BCAS3: variants seen among roughly 807,000 people sequenced by gnomAD.
BCAS3 encodes BCAS4/BCAS3 fusion.
Under a neutral mutation model 116.1 loss-of-function variants are expected in BCAS3, and 53 were observed. That is an observed-to-expected ratio of 0.46 (90% CI 0.37 to 0.57). BCAS3 has a LOEUF of 0.57. Among genes scored for constraint, BCAS3 ranks in the 20% least tolerant of loss-of-function variants. The pLI, the probability that BCAS3 is intolerant of heterozygous loss-of-function variation, is 0.00. For missense variants in BCAS3, 917 were observed against 1,165.4 expected, an observed-to-expected ratio of 0.79 and a Z score of 3.10; for synonymous variants, 391 against 408.2, an observed-to-expected ratio of 0.96 and a Z score of 0.51.
chr17:60,918,640 A>C (rs932167704), intron 12 of BCAS3, among the ~76,000 whole-genome samples: 3 of 150,484 alleles, frequency 2.0e-5, no homozygotes, highest in African/African-American at 7.3e-5. Context: ...CTGTCTGTCA[A>C]ACTGAAATCT....
chr17:60,693,338 A>G (rs1854819957), intron 4 of BCAS3, among the ~76,000 whole-genome samples: 1 of 151,962 alleles, frequency 6.6e-6, no homozygotes, highest in African/African-American at 2.4e-5. Flanking sequence ...CTCTAGTATA[A>G]TGGGAATTGC....
At chr17:61,103,948 G>C (rs1239052705) in intron 22 of BCAS3, among the ~76,000 whole-genome samples, 1 of 152,096 alleles carries the variant, frequency 6.6e-6, no homozygotes, top group Non-Finnish European at 1.5e-5. Context: ...TGGAAGTGTT[G>C]GGATGTCACT....
At chr17:60,927,914 C>T (rs1246876046) in intron 13 of BCAS3, among the ~76,000 whole-genome samples, 1 of 151,816 alleles carries the variant, frequency 6.6e-6, no homozygotes, top group Non-Finnish European at 1.5e-5. Flanking sequence ...TTTTTAAAAT[C>T]TTAAGTATTA....
chr17:60,836,150 A>T (rs886707093), intron 7 of BCAS3, among the ~76,000 whole-genome samples: 1 of 152,104 alleles, frequency 6.6e-6, no homozygotes, highest in Admixed American at 6.6e-5. Context: ...AGAGTGGTAC[A>T]TTTGTTATAG....
chr17:60,808,686 C>G (rs2048506154), intron 7 of BCAS3, among the ~76,000 whole-genome samples: 1 of 152,128 alleles, frequency 6.6e-6, no homozygotes, highest in Admixed American at 6.5e-5. Context: ...CAGCACTTTG[C>G]CGGGTGTAGG....
At chr17:60,932,169 A>T (rs1337726683) in intron 13 of BCAS3, among the ~76,000 whole-genome samples, 2 of 152,202 alleles carry the variant, frequency 1.3e-5, no homozygotes, top group Non-Finnish European at 2.9e-5. Context: ...CCTTCATCCT[A>T]GTTTTTAAAT....
chr17:60,975,307 C>T (rs548224798), intron 14 of BCAS3, among the ~76,000 whole-genome samples: 2 of 152,310 alleles, frequency 1.3e-5, no homozygotes, highest in Admixed American at 1.3e-4. Flanking sequence ...GGCCTCAAGC[C>T]ATTTGTTTAA....
Position 61,354,101 on chromosome 17 carries a change from A to G in BCAS3, c.2426-14226A>G, listed in dbSNP as rs1215641147. Reference sequence around the variant, plus strand: ...CTGGCAGCCATGATGCTTCTGCAGCATGCCAGTTTGTTCACTGAGACCTTC... The same window carrying G: ...CTGGCAGCCATGATGCTTCTGCAGCGTGCCAGTTTGTTCACTGAGACCTTC... On this transcript the variant is annotated intron_variant, in intron 22 of 23. Coordinates refer to ENST00000407086, the MANE Select transcript of BCAS3 (RefSeq NM_017679.5). The surrounding 1 kb of genome is among the most constrained non-coding windows in gnomAD (Gnocchi z 4.5). 6.6e-6 allele frequency: 1 copy of G among 152,242 alleles called. No individual in the cohort carries two copies. Among genetic ancestry groups the G allele is most frequent in the African/African-American group, 2.4e-5 (1 of 41,448 alleles). The allele number at this position is 152,242 out of a possible 1,614,324, so 9.4% of individuals were successfully genotyped here.
In BCAS3 at chr17:61,012,575, A is replaced by G. The variant is rs186675292; in HGVS notation, c.1487-3176A>G. 9.0e-4 allele frequency among the ~76,000 whole-genome samples: 137 copies of G among 152,170 alleles called. No homozygotes were observed. Among genetic ancestry groups the G allele is most frequent in the African/African-American group, 3.0e-3 (124 of 41,558 alleles). ...AAACTGTGTTTATAAGTTGCTAGCC[A>G]TATCCATTAATATGTAAGACAGACA... On this transcript the variant is annotated intron_variant, in intron 15 of 23. Transcript: ENST00000407086. This position sits in a 1 kb window ranked among gnomAD's most constrained non-coding sequence, Gnocchi z 4.5.
At chr17:61,039,392 T>C (rs2067318579) in intron 18 of BCAS3, among the ~76,000 whole-genome samples, 1 of 152,230 alleles carries the variant, frequency 6.6e-6, no homozygotes, top group South Asian at 2.1e-4. Context: ...ATAATGTTGC[T>C]GTGAACATTC....
intron 19 of BCAS3, among the ~76,000 whole-genome samples, chr17:61,044,158 C>T (rs2067786198): frequency 1.3e-5 from 2 of 151,722 alleles, no homozygotes; most frequent in African/African-American, 4.8e-5. Context: ...AAAAATATGC[C>T]TTAAGAGGTG....
At chr17:60,780,115 C>T (rs376888099) in intron 6 of BCAS3, among the ~76,000 whole-genome samples, 1 of 151,770 alleles carries the variant, frequency 6.6e-6, no homozygotes, top group African/African-American at 2.4e-5. Flanking sequence ...TCGGCTCCCC[C>T]GAGTAGCTGG....
intron 5 of BCAS3, among the ~76,000 whole-genome samples, chr17:60,718,350 T>G (rs2038875182): frequency 6.6e-6 from 1 of 152,224 alleles, no homozygotes; most frequent in Non-Finnish European, 1.5e-5. Context: ...TCTTATTCAT[T>G]GCATTTCAGA....
chr17:60,951,764 CTTTTTTTTTTT>C (rs769133578), intron 14 of BCAS3, among the ~76,000 whole-genome samples: 3 of 109,504 alleles, frequency 2.7e-5, no homozygotes, highest in Middle Eastern at 6.7e-3. Flanking sequence ...TCTTTTCTTT[CTTTTTTTTTTT>C]TTTTTTTTTT....
At chr17:60,684,634 CAG>C (rs1568009241) in intron 3 of BCAS3, among the ~76,000 whole-genome samples, 1 of 152,162 alleles carries the variant, frequency 6.6e-6, no homozygotes, top group Non-Finnish European at 1.5e-5. Flanking sequence ...TTTCCTCTCT[CAG>C]AGTCTTAACA....
chr17:60,850,410 G>T (rs2053015417), intron 7 of BCAS3, among the ~76,000 whole-genome samples: 1 of 136,054 alleles, frequency 7.4e-6, no homozygotes, highest in South Asian at 2.4e-4. Flanking sequence ...CCAGGTTGGA[G>T]TGCAATGGCG....
chr17:61,086,793 A>T (rs1006824514), intron 22 of BCAS3: 1 of 985,300 alleles, frequency 1.0e-6, no homozygotes, highest in African/African-American at 1.7e-5. Context: ...GAGCTAAAGA[A>T]GCCTCATAGA....
chr17:60,687,657 G>A (rs1366800621), intron 3 of BCAS3, among the ~76,000 whole-genome samples: 1 of 152,016 alleles, frequency 6.6e-6, no homozygotes, highest in Non-Finnish European at 1.5e-5. Context: ...AAAGACATCA[G>A]GTGAAAGGTA....
rs2037595002 is a variant in BCAS3 at position 60,709,509 on chromosome 17, C to A, written c.321+184C>A. On this transcript the variant is annotated intron_variant, in intron 5 of 23. Transcript: ENST00000407086. ...GCTTCAAGCGATTCTCCTGCCTCAA[C>A]CTCCCGAGTAGCTGAGATTACAGGC... The A allele has an allele frequency of 1.1e-5, 5 of 435,152 alleles. No individual in the cohort carries two copies. In the East Asian group the frequency reaches 2.6e-4, roughly 22 times the overall value. 27.0% of individuals were successfully genotyped at this position (435,152 alleles called of 1,614,324 possible). A position where few individuals can be genotyped will look rare whatever the true frequency, so the allele number is the denominator to read the frequency against.
Sources: gnomAD v4.1 joint callset for allele counts (sites outside exome capture counted in the v4.1 genomes callset) on GRCh38, gnomAD v4.1.1 for gene constraint, Gnocchi (gnomAD v3.1) non-coding constraint, MANE v1.5 for transcripts, NCBI Gene and HGNC (gene_info 2026-07-23, HGNC 2026-07-21) for gene names.